The following TNXB variants were observed in gnomAD, a reference collection of about 807,000 sequenced individuals.
TNXB encodes the protein tenascin-X.
In TNXB, 183 loss-of-function variants were observed where a neutral mutation model predicts 340.5. The observed-to-expected ratio is 0.54, with a 90% CI of 0.48 to 0.61. The LOEUF is 0.61. TNXB is among the 20% of genes least tolerant of loss of function. The probability of loss-of-function intolerance (pLI) is 0.00; values close to 1 mark genes in which losing one functional copy is unlikely to be tolerated. For missense variants in TNXB, 4,613 were observed against 5,446.4 expected (o/e 0.85, Z 4.82); for synonymous variants, 2,121 against 2,314.5 (o/e 0.92, Z 2.40).
chr6:32,082,434 C>T lies in TNXB; in HGVS notation c.3446-108G>A. ...GAGGCTGTGCAGGTTGTTCACTGCA[C>T]AAAAGTGCATTTGCTGAGGGAGTAC... On this transcript the variant is annotated intron_variant, in intron 8 of 43. Transcript: ENST00000644971. The surrounding 1 kb of genome is among the most constrained non-coding windows in gnomAD (Gnocchi z 5.0). The T allele has an allele frequency of 5.1e-6, 6 of 1,171,240 alleles. No homozygotes were observed. Among genetic ancestry groups the T allele is most frequent in the South Asian group, 1.5e-5 (1 of 64,846 alleles). 72.6% of individuals were successfully genotyped at this position (1,171,240 alleles called of 1,614,324 possible). A position where few individuals can be genotyped will look rare whatever the true frequency, so the allele number is the denominator to read the frequency against.
intron 4 of TNXB, among the ~76,000 whole-genome samples, chr6:32,091,581 G>T (rs1412473526): frequency 1.3e-5 from 2 of 150,778 alleles, no homozygotes; most frequent in African/African-American, 2.4e-5. Context: ...AGATTCAAGG[G>T]ATTCTTCCTT....
rs1391989387 is a variant in TNXB, at chr6:32,067,832, A to G, written c.6373T>C (p.Phe2125Leu). 1 of 1,613,156 alleles carries G rather than the reference A, an allele frequency of 6.2e-7. No individual in the cohort carries two copies. The highest frequency in any genetic ancestry group is 1.1e-5 in the South Asian group (1 of 91,064). ...TCCCTGTCCTTGTACTGCACGGTGA[A>G]GGAGTCGAAGCGGCCCTGGGGGACG... Reference protein sequence around the residue: ...WTVPQGRFDSFTVQYKDRDGR... With the variant: ...WTVPQGRFDSLTVQYKDRDGR... Residue 2125 changes from phenylalanine to leucine, a missense_variant, in exon 18 of 44, where the codon TTC becomes CTC. By Grantham distance (22) the Phe-to-Leu change is conservative. This residue lies in a region of TNXB where 4,327 missense variants were observed against 4,859.4 expected (regional missense o/e 0.89). Coordinates refer to ENST00000644971, the MANE Select transcript of TNXB (RefSeq NM_001365276.2). This position sits in a 1 kb window ranked among gnomAD's most constrained non-coding sequence, Gnocchi z 4.2.
chr6:32,068,051 A>G lies in TNXB; in HGVS notation c.6221-67T>C. 1 of 1,561,518 alleles carries G rather than the reference A, an allele frequency of 6.4e-7. No individual in the cohort carries two copies. The highest frequency in any genetic ancestry group is 1.2e-5 in the South Asian group (1 of 83,442). On this transcript the variant is annotated intron_variant, in intron 17 of 43. Coordinates refer to ENST00000644971, the MANE Select transcript of TNXB (RefSeq NM_001365276.2). The surrounding 1 kb of genome is among the most constrained non-coding windows in gnomAD (Gnocchi z 5.3). The stretch of plus-strand genomic sequence containing the variant: ...ACTGGGGAAAAGGAGGGAGAAGCCA[A>G]GGCTATGACTGGGGGACCCGAGGTC...
chr6:32,048,363 C>A lies in TNXB; in HGVS notation c.10045G>T (p.Ala3349Ser). Residue 3349 changes from alanine (A) to serine (S), a missense_variant and splice_region_variant, in exon 29 of 44, where the codon GCC (alanine) becomes TCC (serine). Transcript: ENST00000644971. The stretch of plus-strand genomic sequence containing the variant: ...CGGGAGGCCTCCAGCCCTCACTCAC[C>A]GGTCCTGGCCTCCACAGGGACTGGG... Reference protein sequence around the residue: ...HGPVPVEARTAPDTKPSPRLG... With the variant: ...HGPVPVEARTSPDTKPSPRLG... 3.4e-6 allele frequency: 5 copies of A among 1,474,874 alleles called. No individual in the cohort carries two copies. The highest frequency in any genetic ancestry group is 4.5e-6 in the Non-Finnish European group (5 of 1,109,920). The allele number at this position is 1,474,874 out of a possible 1,614,324, so 91.4% of individuals were successfully genotyped here. A position where few individuals can be genotyped will look rare whatever the true frequency, so the allele number is the denominator to read the frequency against.
At chr6:32,066,372 C>A (rs1355918645) in intron 18 of TNXB, among the ~76,000 whole-genome samples, 2 of 151,880 alleles carry the variant, frequency 1.3e-5, no homozygotes, top group African/African-American at 4.8e-5. Flanking sequence ...ATAGCCTGGG[C>A]AATAGAGTGG....
Position 32,096,542 on chromosome 6 carries a change from G to A in TNXB, c.1311C>T (p.Arg437=). 2 of 1,558,018 alleles carry A rather than the reference G, an allele frequency of 1.3e-6. No individual in the cohort carries two copies. The highest frequency in any genetic ancestry group is 1.7e-6 in the Non-Finnish European group (2 of 1,161,562). ...CGCAGCGCCCGCGACCTCTACAGTCGCGTGGGCAGGCGCGCGAGCCGCAAT... is the reference window on the plus strand; with the variant it reads ...CGCAGCGCCCGCGACCTCTACAGTCACGTGGGCAGGCGCGCGAGCCGCAAT... The part of the protein sequence containing the change: ...GTDCGSRACP[R]DCRGRGRCEN... Residue 437 remains arginine (R), a synonymous_variant, in exon 3 of 44, where the codon CGC becomes CGT. Transcript: ENST00000644971.
At chr6:32,056,336 A>G (rs549492824) in intron 23 of TNXB, among the ~76,000 whole-genome samples, 162 bp from the exon 24 acceptor site, 14 of 152,272 alleles carry the variant, frequency 9.2e-5, no homozygotes, top group African/African-American at 3.1e-4. Flanking sequence ...CAGCTAACAC[A>G]CATGACAAGT....
chr6:32,100,925 C>A (rs1354880539), intron 1 of TNXB, among the ~76,000 whole-genome samples: 1 of 149,712 alleles, frequency 6.7e-6, no homozygotes, highest in Non-Finnish European at 1.5e-5. Flanking sequence ...ACTAAAAATA[C>A]AAAAATTAGC....
At chr6:32,071,870 C>T in intron 13 of TNXB, 120 bp downstream of exon 13, 1 of 886,566 alleles carries the variant, frequency 1.1e-6, no homozygotes, top group South Asian at 1.9e-5. Flanking sequence ...CTGTGCTAGC[C>T]CCATGTGGCT....
intron 18 of TNXB, among the ~76,000 whole-genome samples, chr6:32,065,974 T>A (rs1020347383): frequency 6.6e-6 from 1 of 152,182 alleles, no homozygotes; most frequent in Admixed American, 6.6e-5. Context: ...TTAAAAATAA[T>A]TTTTTTAAAA....
chr6:32,092,195 T>C (rs1481060411), intron 4 of TNXB, among the ~76,000 whole-genome samples: 1 of 152,234 alleles, frequency 6.6e-6, no homozygotes, highest in Non-Finnish European at 1.5e-5. Context: ...CCAGACTTTC[T>C]GACTCAGTAG....
rs1779401909 is a variant in TNXB, at chr6:32,081,148, G to A, written c.4042+220C>T. 6.6e-6 allele frequency among the ~76,000 whole-genome samples: 1 copy of A among 152,156 alleles called. No homozygotes were observed. Among genetic ancestry groups the A allele is most frequent in the South Asian group, 2.1e-4 (1 of 4,820 alleles). On this transcript the variant is annotated intron_variant, in intron 10 of 43. Transcript: ENST00000644971. The surrounding 1 kb of genome is among the most constrained non-coding windows in gnomAD (Gnocchi z 5.1). Reference sequence around the variant, plus strand: ...GGGGAAAATAGGACCTGCCCTTGGAGATGAAGAAGTGAGGCTGAGGAAGAG... The same window carrying A: ...GGGGAAAATAGGACCTGCCCTTGGAAATGAAGAAGTGAGGCTGAGGAAGAG...
rs779587740 is a variant in TNXB, at chr6:32,048,484, C to T, written c.9924G>A (p.Val3308=). Residue 3308 remains valine (V), a synonymous_variant, in exon 29 of 44, where the codon GTG becomes GTA. Coordinates refer to ENST00000644971, the MANE Select transcript of TNXB (RefSeq NM_001365276.2). The part of the protein sequence containing the change: ...DAQGQPQAVP[V]SGDLRAVAVS... Reference sequence around the variant, plus strand: ...CGGCGACCGCTCGGAGGTCTCCGCTCACAGGCACTGCCTGGGGCTGCCCCT... The same window carrying T: ...CGGCGACCGCTCGGAGGTCTCCGCTTACAGGCACTGCCTGGGGCTGCCCCT... 3.7e-6 allele frequency: 6 copies of T among 1,601,754 alleles called. 1 individual carries two copies. In the East Asian group the frequency reaches 1.3e-4, roughly 36 times the overall value.
At position 32,050,196 on chromosome 6, in the gene TNXB, T is replaced by A; in HGVS notation, c.9241A>T (p.Met3081Leu). ...ATPDSLSLSW[M>L]VPEGQFDHFL... ...TGGTCAAACTGGCCCTCGGGAACCATCCAGGACAGGCTGAGGGAGTCGGGG... is the reference window on the plus strand; with the variant it reads ...TGGTCAAACTGGCCCTCGGGAACCAACCAGGACAGGCTGAGGGAGTCGGGG... The change falls in exon 27 of 44, where the codon ATG becomes TTG. Residue 3081 changes from methionine (M) to leucine (L), a missense_variant. Met to Leu is a conservative substitution (Grantham distance 15). Coordinates refer to ENST00000644971, the MANE Select transcript of TNXB (RefSeq NM_001365276.2). The A allele has an allele frequency of 6.2e-7, 1 of 1,613,756 alleles. No individual in the cohort carries two copies. The highest frequency in any genetic ancestry group is 8.5e-7 in the Non-Finnish European group (1 of 1,179,878).
chr6:32,095,109 G>A lies in TNXB; in HGVS notation c.2325C>T (p.Pro775=), dbSNP rs943305771. Residue 775 remains proline (P), a synonymous_variant, in exon 4 of 44, where the codon CCC becomes CCT. Coordinates refer to ENST00000644971, the MANE Select transcript of TNXB (RefSeq NM_001365276.2). ...VRTEWTPAPG[P]VDAYEIQFIP... Reference sequence around the variant, plus strand: ...TGAACTGAATTTCATAGGCATCCACGGGGCCAGGAGCCGGGGTCCACTCTG... The same window carrying A: ...TGAACTGAATTTCATAGGCATCCACAGGGCCAGGAGCCGGGGTCCACTCTG... The A allele has an allele frequency of 7.7e-5, 120 of 1,549,070 alleles. 1 individual carries two copies. In the Admixed American group the frequency reaches 2.2e-3, roughly 28 times the overall value.
Position 32,050,221 on chromosome 6 carries a change from G to T in TNXB, c.9216C>A (p.Thr3072=), listed in dbSNP as rs1777191269. 1.9e-6 allele frequency: 3 copies of T among 1,613,640 alleles called. No homozygotes were observed. The highest frequency in any genetic ancestry group is 2.5e-6 in the Non-Finnish European group (3 of 1,179,882). Residue 3072 remains threonine (T), a synonymous_variant, in exon 27 of 44, where the codon ACC becomes ACA. Transcript: ENST00000644971. The part of the protein sequence containing the change: ...RLGELTVTDA[T]PDSLSLSWMV... ...TCCAGGACAGGCTGAGGGAGTCGGG[G>T]GTGGCATCTGTCACGGTCAGCTCCC...
Position 32,096,042 on chromosome 6 carries a change from A to T in TNXB, c.1811T>A (p.Val604Glu). The T allele has an allele frequency of 6.2e-7, 1 of 1,613,132 alleles. No homozygotes were observed. Among genetic ancestry groups the T allele is most frequent in the African/African-American group, 1.3e-5 (1 of 75,022 alleles). The change falls in exon 3 of 44, where the codon GTG (valine) becomes GAG (glutamate). Residue 604 changes from valine to glutamate, a missense_variant. Physicochemically the swap from Val to Glu is moderately radical, Grantham distance 121. Transcript: ENST00000644971. ...CSQHGVCQDG[V>E]CICWEGYVSE... ...CACGTAGCCTTCCCAACAGATGCAC[A>T]CACCGTCCTGGCACACGCCGTGCTG...
At chr6:32,041,656 T>G in intron 43 of TNXB, 115 bp downstream of exon 43, 1 of 1,150,306 alleles carries the variant, frequency 8.7e-7, no homozygotes. Flanking sequence ...GAGGCTGGCA[T>G]GATTGTTCCA....
chr6:32,062,048 A>G lies in TNXB; in HGVS notation c.7168+109T>C, dbSNP rs1778051529. On this transcript the variant is annotated intron_variant, in intron 20 of 43. Coordinates refer to ENST00000644971, the MANE Select transcript of TNXB (RefSeq NM_001365276.2). This position sits in a 1 kb window ranked among gnomAD's most constrained non-coding sequence, Gnocchi z 4.3. The stretch of plus-strand genomic sequence containing the variant: ...GGGAGCCCCAGCCCCAGCCACAAGT[A>G]GGTCTGTGGTGCTGACCAGACCCGT... 2.3e-6 allele frequency: 3 copies of G among 1,332,214 alleles called. No individual in the cohort carries two copies. The highest frequency in any genetic ancestry group is 2.9e-5 in the African/African-American group (2 of 68,066). 82.5% of individuals were successfully genotyped at this position (1,332,214 alleles called of 1,614,324 possible). A position where few individuals can be genotyped will look rare whatever the true frequency, so the allele number is the denominator to read the frequency against.
Sources: gnomAD v4.1 joint callset for allele counts (sites outside exome capture counted in the v4.1 genomes callset) on GRCh38, gnomAD v4.1.1 for gene constraint, gnomAD v4.1.1 regional missense constraint, Gnocchi (gnomAD v3.1) non-coding constraint, MANE v1.5 for transcripts, NCBI Gene and HGNC (gene_info 2026-07-23, HGNC 2026-07-21) for gene names.